The following NKTR variants were observed in gnomAD, a reference collection of about 807,000 sequenced individuals.
NKTR encodes the protein NK-tumor recognition protein.
A neutral mutation model predicts 156.3 loss-of-function variants in NKTR; 67 were observed. The observed-to-expected ratio is 0.43, with a 90% CI of 0.35 to 0.53. The LOEUF (loss-of-function observed/expected upper bound fraction) is 0.53. NKTR is among the 20% of genes least tolerant of loss of function. The pLI is 0.01. For synonymous variants in NKTR, 640 were observed against 596.6 expected (o/e 1.07, Z -1.06); for missense variants, 1,604 against 1,730.9 (o/e 0.93, Z 1.30).
Position 42,638,090 on chromosome 3 carries a change from A to G in NKTR, c.2386A>G (p.Arg796Gly), listed in dbSNP as rs1158307180. ...AGGTAGAGACAGGTCTTCATGTGTG[A>G]GAAAGTATAGCGAGAGCAGATCATC... ...VKGRDRSSCV[R>G]KYSESRSSLD... The change falls in exon 13 of 17, where the codon AGA becomes GGA. Residue 796 changes from arginine (R) to glycine (G), a missense_variant. Physicochemically the swap from Arg to Gly is moderately radical, Grantham distance 125. Around this residue, in one of 6 missense-constraint regions of NKTR, gnomAD observed 1,255 missense variants for 1,243.7 expected, o/e 1.01. Coordinates refer to ENST00000232978, the MANE Select transcript of NKTR (RefSeq NM_005385.4). 4.3e-6 allele frequency: 7 copies of G among 1,614,044 alleles called. No individual in the cohort carries two copies. Among genetic ancestry groups the G allele is most frequent in the Non-Finnish European group, 5.1e-6 (6 of 1,180,042 alleles).
At position 42,601,197 on chromosome 3, in the gene NKTR, T is replaced by C. The variant is rs1027635199; in HGVS notation, c.58+133T>C. ...GCGCAGGCAACTTTCCGTTTTCTCT[T>C]GAGAGAAAATCAGTGGGAGAGGAAG... On this transcript the variant is annotated intron_variant, in intron 2 of 16. Transcript: ENST00000232978. 1.1e-5 allele frequency: 7 copies of C among 662,270 alleles called. No individual in the cohort carries two copies. In the African/African-American group the frequency reaches 1.1e-4, roughly 11 times the overall value. The allele number at this position is 662,270 out of a possible 1,614,324, so 41.0% of individuals were successfully genotyped here. A position where few individuals can be genotyped will look rare whatever the true frequency, so the allele number is the denominator to read the frequency against.
intron 2 of NKTR, chr3:42,601,629 TTG>T (rs1705483709): frequency 6.6e-6 from 1 of 152,284 alleles, no homozygotes. Context: ...GCATTAATGT[TTG>T]TCTTTAGGGA....
At chr3:42,604,468 A>T (rs770540614) in intron 2 of NKTR, among the ~76,000 whole-genome samples, 9 of 151,632 alleles carry the variant, frequency 5.9e-5, no homozygotes, top group Non-Finnish European at 1.2e-4. Flanking sequence ...TGTGCACTTG[A>T]ATGTACATTC....
intron 12 of NKTR, among the ~76,000 whole-genome samples, chr3:42,635,686 G>A (rs944494852): frequency 1.3e-5 from 2 of 151,580 alleles, no homozygotes; most frequent in Non-Finnish European, 2.9e-5. Context: ...TTGGGAGGCC[G>A]AGGCAGGCGG....
chr3:42,622,026 T>G (rs572397164), intron 6 of NKTR, among the ~76,000 whole-genome samples: 1 of 152,140 alleles, frequency 6.6e-6, no homozygotes, highest in Non-Finnish European at 1.5e-5. Flanking sequence ...GACCTGCTGT[T>G]GAGCGAGCAT....
rs781092130 is a variant in NKTR at position 42,637,006 on chromosome 3, A to G, written c.1302A>G (p.Lys434=). ...SGHHKKRRKE[K]KVKHKKKGKK... is the part of the protein sequence containing the mutation. ...ACCATAAAAAACGCAGAAAAGAAAAAAAGGTTAAGCATAAAAAGAAAGGGA... is the reference window on the plus strand; with the variant it reads ...ACCATAAAAAACGCAGAAAAGAAAAGAAGGTTAAGCATAAAAAGAAAGGGA... Residue 434 remains lysine, a synonymous_variant, in exon 13 of 17, where the codon AAA becomes AAG. Transcript: ENST00000232978. 1.9e-6 allele frequency: 3 copies of G among 1,613,248 alleles called. No individual in the cohort carries two copies. In the African/African-American group the frequency reaches 4.0e-5, roughly 22 times the overall value.
At chr3:42,618,080 G>C (rs1280911676) in intron 3 of NKTR, among the ~76,000 whole-genome samples, 2 of 152,066 alleles carry the variant, frequency 1.3e-5, no homozygotes, top group Non-Finnish European at 2.9e-5. Flanking sequence ...GCCGGGTGCG[G>C]TGGCTCAAGC....
intron 3 of NKTR, among the ~76,000 whole-genome samples, chr3:42,618,706 A>C (rs887185164): frequency 6.6e-6 from 1 of 152,072 alleles, no homozygotes; most frequent in Non-Finnish European, 1.5e-5. Flanking sequence ...GGCCTCCCAA[A>C]ATGTTGGGAT....
chr3:42,605,376 T>G (rs1327210045), intron 2 of NKTR, among the ~76,000 whole-genome samples: 3 of 152,222 alleles, frequency 2.0e-5, no homozygotes, highest in African/African-American at 4.8e-5. Flanking sequence ...CTGCTTAAGA[T>G]TCATAAAAAC....
chr3:42,615,484 A>G (rs1473469117), intron 2 of NKTR, among the ~76,000 whole-genome samples: 1 of 151,706 alleles, frequency 6.6e-6, no homozygotes, highest in African/African-American at 2.4e-5. Flanking sequence ...GTGTTGTACT[A>G]CTGGAGGGTA....
intron 7 of NKTR, chr3:42,630,858 A>C: frequency 7.5e-7 from 1 of 1,339,212 alleles, no homozygotes; most frequent in South Asian, 2.2e-5. Flanking sequence ...GATAGTAAGC[A>C]GTACAATATC....
Position 42,639,760 on chromosome 3 carries a change from ATTCTC to A in NKTR, c.4046+13_4046+17del. On this transcript the variant is annotated intron_variant, in intron 13 of 16. Transcript: ENST00000232978. ...CCACATCATCTTATCGGTGAGCAAT[ATTCTC>A]TTTCCTTTCTTCTCCCAAGGAGAGT... 1 of 1,566,694 alleles carries A rather than the reference ATTCTC, an allele frequency of 6.4e-7. No homozygotes were observed. Among genetic ancestry groups the A allele is most frequent in the Non-Finnish European group, 8.7e-7 (1 of 1,149,054 alleles).
Position 42,600,965 on chromosome 3 carries a change from T to C in NKTR, c.-23-19T>C. ...GCCCTCGCCCCTGCCCTGACCGCTT[T>C]TCTCCCCCTCTCTCCCAGCTCTTGC... On this transcript the variant is annotated intron_variant, in intron 1 of 16. Coordinates refer to ENST00000232978, the MANE Select transcript of NKTR (RefSeq NM_005385.4). 6.8e-7 allele frequency: 1 copy of C among 1,479,216 alleles called. No homozygotes were observed. Among genetic ancestry groups the C allele is most frequent in the South Asian group, 1.3e-5 (1 of 79,878 alleles). The allele number at this position is 1,479,216 out of a possible 1,614,324, so 91.6% of individuals were successfully genotyped here.
At chr3:42,630,754 A>G in intron 7 of NKTR, 179 bp downstream of exon 7, 4 of 1,405,228 alleles carry the variant, frequency 2.8e-6, no homozygotes, top group Non-Finnish European at 3.7e-6. Flanking sequence ...CTCTCATGTG[A>G]CTGAAGGAGT....
chr3:42,604,088 T>C (rs1172537353), intron 2 of NKTR, among the ~76,000 whole-genome samples: 2 of 152,212 alleles, frequency 1.3e-5, no homozygotes, highest in Non-Finnish European at 2.9e-5. Context: ...GTCAAGTTTA[T>C]GTGCTTAGAG....
At chr3:42,630,220 T>C in intron 6 of NKTR, 1 of 1,105,084 alleles carries the variant, frequency 9.0e-7, no homozygotes, top group Admixed American at 5.0e-5. Context: ...TTTTGTTGTT[T>C]TGGAGTTGAG....
chr3:42,604,636 T>G (rs763499278), intron 2 of NKTR, among the ~76,000 whole-genome samples: 7 of 148,400 alleles, frequency 4.7e-5, no homozygotes, highest in Admixed American at 1.3e-4. Context: ...ACAACTGTAA[T>G]TGTGGATTTA....
rs368099238 is a variant in NKTR, at chr3:42,638,509, G to A, written c.2805G>A (p.Ser935=). 1.9e-5 allele frequency: 31 copies of A among 1,611,362 alleles called. No individual in the cohort carries two copies. The highest frequency in any genetic ancestry group is 1.8e-4 in the East Asian group (8 of 44,870). Residue 935 remains serine (S), a synonymous_variant, in exon 13 of 17, where the codon TCG becomes TCA. Transcript: ENST00000232978. ...TCAAAGTCAAACCCACAACCAAGTC[G>A]TCCACAAATACTTCACTGCCTGATG... ...IHIKVKPTTK[S]STNTSLPDDN...
chr3:42,632,442 G>T (rs1709008185), intron 8 of NKTR, 159 bp from the exon 9 acceptor site: 6 of 563,642 alleles, frequency 1.1e-5, no homozygotes, highest in East Asian at 3.0e-5. Context: ...TTACAATCTT[G>T]CCAGTAATTT....
Sources: allele counts gnomAD v4.1 joint callset (sites outside exome capture counted in the v4.1 genomes callset), GRCh38; gene constraint gnomAD v4.1.1; regional missense constraint gnomAD v4.1.1; transcripts MANE v1.5; gene names NCBI Gene and HGNC (gene_info 2026-07-23, HGNC 2026-07-21).